PAN3: variants seen among roughly 807,000 people sequenced by gnomAD.
PAN3 encodes poly(A) specific ribonuclease subunit PAN3, also known as PAN2-PAN3 deadenylation complex subunit PAN3.
PAN3 carries 19 observed loss-of-function variants against 96.2 expected under a neutral mutation model. The observed-to-expected ratio is 0.20, with a 90% CI of 0.14 to 0.29. The LOEUF is 0.29. PAN3 is among the 10% of genes least tolerant of loss of function. PAN3 has a pLI of 1.00. For missense variants in PAN3, 882 were observed against 1,108.1 expected, an observed-to-expected ratio of 0.80 and a Z score of 2.90; for synonymous variants, 433 against 406.6, an observed-to-expected ratio of 1.06 and a Z score of -0.78.
intron 1 of PAN3, among the ~76,000 whole-genome samples, chr13:28,150,593 C>A (rs890169677): frequency 6.7e-6 from 1 of 149,640 alleles, no homozygotes; most frequent in Non-Finnish European, 1.5e-5. Flanking sequence ...GCCGAGATCA[C>A]GCCACTGCCC....
At chr13:28,156,113 A>G (rs983644003) in intron 1 of PAN3, among the ~76,000 whole-genome samples, 1 of 152,228 alleles carries the variant, frequency 6.6e-6, no homozygotes, top group Non-Finnish European at 1.5e-5. Flanking sequence ...ACAAAAGATC[A>G]GTGAAAAGAG....
chr13:28,254,514 A>G (rs941384829), intron 6 of PAN3, among the ~76,000 whole-genome samples: 1 of 152,150 alleles, frequency 6.6e-6, no homozygotes, highest in African/African-American at 2.4e-5. Flanking sequence ...CTTTAGGAAA[A>G]TCTGTCTAAA....
chr13:28,239,744 T>C (rs1458653688), intron 6 of PAN3: 2 of 1,111,458 alleles, frequency 1.8e-6, no homozygotes, highest in Non-Finnish European at 2.4e-6. Context: ...AACTTTTAAT[T>C]CCCCTAATCA....
At position 28,257,737 on chromosome 13, in the gene PAN3, A is replaced by ATATAT. The variant is rs1566235090; in HGVS notation, c.1248+1198_1248+1199insTATAT. 4.2e-3 allele frequency among the ~76,000 whole-genome samples: 467 copies of ATATAT among 110,522 alleles called. 7 individuals are homozygous for ATATAT. Among genetic ancestry groups the ATATAT allele is most frequent in the African/African-American group, 0.014 (445 of 32,134 alleles). 72.5% of individuals were successfully genotyped at this position (110,522 alleles called of 152,430 possible). On this transcript the variant is annotated intron_variant, in intron 7 of 18. Transcript: ENST00000380958. ...ATATAATTAATATATATTATATATA[A>ATATAT]ATTATATATAATATATAATTAATTA...
chr13:28,242,956 T>TA (rs1566220037), intron 6 of PAN3, among the ~76,000 whole-genome samples: 1 of 152,206 alleles, frequency 6.6e-6, no homozygotes, highest in Admixed American at 6.5e-5. Flanking sequence ...TTGGTGTCTT[T>TA]AAAAAAATCT....
intron 6 of PAN3, among the ~76,000 whole-genome samples, chr13:28,229,477 T>C (rs889009759): frequency 6.6e-6 from 1 of 152,230 alleles, no homozygotes; most frequent in Non-Finnish European, 1.5e-5. Flanking sequence ...AGTAATTGTA[T>C]TGAACCAGAA....
chr13:28,234,723 T>C (rs1882918790), intron 6 of PAN3, among the ~76,000 whole-genome samples: 1 of 152,158 alleles, frequency 6.6e-6, no homozygotes, highest in Non-Finnish European at 1.5e-5. Context: ...CATCTTCCTC[T>C]TGAGTATTCT....
intron 7 of PAN3, among the ~76,000 whole-genome samples, chr13:28,259,566 G>C (rs1463554728): frequency 6.6e-6 from 1 of 151,400 alleles, no homozygotes; most frequent in Non-Finnish European, 1.5e-5. Flanking sequence ...TGTTGGCCAG[G>C]CTGGCTCATT....
At chr13:28,144,544 G>T (rs1438716328) in intron 1 of PAN3, among the ~76,000 whole-genome samples, 10 of 151,850 alleles carry the variant, frequency 6.6e-5, no homozygotes, top group African/African-American at 1.9e-4. Flanking sequence ...AGGAAAACTC[G>T]AGGGATAACG....
chr13:28,188,899 T>C (rs1385810631), intron 4 of PAN3, among the ~76,000 whole-genome samples: 1 of 152,224 alleles, frequency 6.6e-6, no homozygotes, highest in Admixed American at 6.5e-5. Flanking sequence ...TTTATACAAG[T>C]GCTGGTATTT....
intron 6 of PAN3, among the ~76,000 whole-genome samples, chr13:28,242,842 C>A (rs1222756176): frequency 6.6e-6 from 1 of 152,142 alleles, no homozygotes; most frequent in Non-Finnish European, 1.5e-5. Flanking sequence ...TAATGTCTTT[C>A]CACAAAGTTT....
intron 6 of PAN3, among the ~76,000 whole-genome samples, chr13:28,250,658 C>T (rs1884638452): frequency 6.6e-6 from 1 of 152,138 alleles, no homozygotes; most frequent in Non-Finnish European, 1.5e-5. Flanking sequence ...TGAGCCACCG[C>T]ACCCGGCCTA....
intron 1 of PAN3, among the ~76,000 whole-genome samples, chr13:28,157,554 A>G (rs1431084935): frequency 5.9e-5 from 9 of 152,194 alleles, no homozygotes; most frequent in African/African-American, 1.4e-4. Flanking sequence ...TAGCATATCT[A>G]TACACCAACA....
intron 4 of PAN3, among the ~76,000 whole-genome samples, chr13:28,178,981 GA>G (rs896044606): frequency 4.0e-5 from 6 of 151,124 alleles, no homozygotes; most frequent in Non-Finnish European, 5.9e-5. Flanking sequence ...TTTCTTAAGA[GA>G]AAAAAAAGTT....
At position 28,294,981 on chromosome 13, in the gene PAN3, A is replaced by G. The variant is rs963609451; in HGVS notation, c.*2459A>G. 1 of 152,038 alleles carries G rather than the reference A, an allele frequency of 6.6e-6. No homozygotes were observed. The highest frequency in any genetic ancestry group is 2.4e-5 in the African/African-American group (1 of 41,336). The allele number at this position is 152,038 out of a possible 1,614,324, so 9.4% of individuals were successfully genotyped here. ...AAAAGTCTTTTTAATTAATAGAAAGATTTTAATATCCAAGAGTAGTCAAAT... is the reference window on the plus strand; with the variant it reads ...AAAAGTCTTTTTAATTAATAGAAAGGTTTTAATATCCAAGAGTAGTCAAAT... On this transcript the variant is annotated 3_prime_UTR_variant, in exon 19 of 19. Coordinates refer to ENST00000380958, the MANE Select transcript of PAN3 (RefSeq NM_175854.8).
intron 2 of PAN3, among the ~76,000 whole-genome samples, chr13:28,174,608 G>A (rs45569133): frequency 0.01 from 1,593 of 152,234 alleles, 12 homozygotes; most frequent in Non-Finnish European, 0.015. Flanking sequence ...CAAGAGTGAC[G>A]GGAGTATGTA....
rs59805706 is a variant in PAN3, at chr13:28,162,646, T to TA, written c.431-11614dup. ...TGGGCAACAGAGTGAGACTCTGCCT[T>TA]AAAAAAAAAAAAGCATTTAATTGAA... On this transcript the variant is annotated intron_variant, in intron 1 of 18. Transcript: ENST00000380958. Among the ~76,000 whole-genome samples, 655 of 140,038 alleles carry TA rather than the reference T, an allele frequency of 4.7e-3. 6 individuals carry two copies. The highest frequency in any genetic ancestry group is 0.011 in the African/African-American group (440 of 38,588). 91.9% of individuals were successfully genotyped at this position (140,038 alleles called of 152,430 possible).
chr13:28,236,770 G>A (rs752410683), intron 6 of PAN3, among the ~76,000 whole-genome samples: 1 of 152,130 alleles, frequency 6.6e-6, no homozygotes, highest in Non-Finnish European at 1.5e-5. Context: ...GCTTAGAGCA[G>A]GGTTCTTTTT....
intron 14 of PAN3, among the ~76,000 whole-genome samples, chr13:28,274,384 C>G (rs1194508935): frequency 6.6e-6 from 1 of 151,800 alleles, no homozygotes; most frequent in Non-Finnish European, 1.5e-5. Flanking sequence ...AATATATACA[C>G]TTGGATATAC....
Sources: gnomAD v4.1 joint callset for allele counts (sites outside exome capture counted in the v4.1 genomes callset) on GRCh38, gnomAD v4.1.1 for gene constraint, MANE v1.5 for transcripts, NCBI Gene and HGNC (gene_info 2026-07-23, HGNC 2026-07-21) for gene names.